Variants in PROX1 observed in about 807,000 individuals in gnomAD.
PROX1 encodes prospero homeobox protein 1.
In PROX1, 7 loss-of-function variants were observed where a neutral mutation model predicts 58.8. That is an observed-to-expected ratio of 0.12 (90% confidence interval 0.07 to 0.22). The LOEUF (loss-of-function observed/expected upper bound fraction) is 0.22. Among genes scored for constraint, PROX1 ranks in the 10% least tolerant of loss-of-function variants. PROX1 has a pLI of 1.00. For missense variants in PROX1, 675 were observed against 927.8 expected (o/e 0.73, Z 3.54); for synonymous variants, 350 against 358.3 (o/e 0.98, Z 0.26).
rs115772074 is a variant in PROX1, at chr1:213,998,188, C to T, written c.1653C>T (p.Ser551=). Residue 551 remains serine, a synonymous_variant, in exon 2 of 5, where the codon TCC becomes TCT. Transcript: ENST00000366958. ...AHPPSTAEGL[S]LSLIKSECGD... is the part of the protein sequence containing the mutation. The stretch of plus-strand genomic sequence containing the variant: ...CGCCCAGCACCGCCGAAGGGCTCTC[C>T]TTGTCGCTCATAAAGTCCGAGTGCG... The T allele has an allele frequency of 6.2e-7, 1 of 1,612,120 alleles. No homozygotes were observed. The highest frequency in any genetic ancestry group is 1.3e-5 in the African/African-American group (1 of 74,928).
rs771679065 is a variant in PROX1, at chr1:213,998,149, T to C, written c.1614T>C (p.Cys538=). 6.2e-7 allele frequency: 1 copy of C among 1,614,242 alleles called. No homozygotes were observed. Among genetic ancestry groups the C allele is most frequent in the East Asian group, 2.2e-5 (1 of 44,882 alleles). ...MSSHHLSHHP[C]SPAHPPSTAE... ...CTCACCACCTGAGCCACCACCCTTGTTCACCAGCACACCCGCCCAGCACCG... is the reference window on the plus strand; with the variant it reads ...CTCACCACCTGAGCCACCACCCTTGCTCACCAGCACACCCGCCCAGCACCG... The change falls in exon 2 of 5, where the codon TGT becomes TGC. Residue 538 remains cysteine, a synonymous_variant. Transcript: ENST00000366958.
At position 213,996,446 on chromosome 1, in the gene PROX1, A is replaced by G. The variant is rs1663264936; in HGVS notation, c.-67-23A>G. ...AGAAATTTAAAGAAAATGATTCATC[A>G]GTCCTTTTGTTCTGTTGGCCAGGGT... On this transcript the variant is annotated intron_variant, in intron 1 of 4. Coordinates refer to ENST00000366958, the MANE Select transcript of PROX1 (RefSeq NM_001270616.2). 7 of 1,422,018 alleles carry G rather than the reference A, an allele frequency of 4.9e-6. No homozygotes were observed. The South Asian group carries it at 1.0e-4, about 21-fold the overall frequency. 88.1% of individuals were successfully genotyped at this position (1,422,018 alleles called of 1,614,324 possible).
chr1:214,011,658 A>G lies in PROX1; in HGVS notation c.1971A>G (p.Arg657=). ...VTSTEELSIT[R]DCELYRALNM... is the part of the protein sequence containing the mutation. ...GTACTGAAGAGCTGTCTATAACCAGAGACTGTGAGCTGTACAGGGCTCTGA... is the reference window on the plus strand; with the variant it reads ...GTACTGAAGAGCTGTCTATAACCAGGGACTGTGAGCTGTACAGGGCTCTGA... The change falls in exon 4 of 5, where the codon AGA becomes AGG. Residue 657 remains arginine (R), a synonymous_variant. Coordinates refer to ENST00000366958, the MANE Select transcript of PROX1 (RefSeq NM_001270616.2). The G allele has an allele frequency of 6.2e-7, 1 of 1,614,082 alleles. No homozygotes were observed. Among genetic ancestry groups the G allele is most frequent in the South Asian group, 1.1e-5 (1 of 91,076 alleles).
chr1:214,028,329 G>T (rs550959029), intron 4 of PROX1, among the ~76,000 whole-genome samples: 2,261 of 152,270 alleles, frequency 0.015, 22 homozygotes, highest in Non-Finnish European at 0.019. Flanking sequence ...GGTGCTCAGT[G>T]TTCAATACAC....
chr1:214,012,292 T>C (rs1663937332), intron 4 of PROX1, among the ~76,000 whole-genome samples: 2 of 152,194 alleles, frequency 1.3e-5, no homozygotes, highest in Admixed American at 6.5e-5. Context: ...TTTGTTCTTT[T>C]TGGAGGAGAG....
chr1:214,011,412 C>T, intron 3 of PROX1, 109 bp from the exon 4 acceptor site: 1 of 1,023,324 alleles, frequency 9.8e-7, no homozygotes, highest in Non-Finnish European at 1.4e-6. Context: ...AAATACGTAT[C>T]TTTCCAAGTA....
chr1:214,002,728 T>C (rs968337892), intron 2 of PROX1, among the ~76,000 whole-genome samples: 1 of 152,230 alleles, frequency 6.6e-6, no homozygotes, highest in Non-Finnish European at 1.5e-5. Context: ...GTAAGTATCC[T>C]GGAAACAGCT....
chr1:214,035,804 G>C lies in PROX1; in HGVS notation c.2184G>C (p.Pro728=). 1 of 1,613,598 alleles carries C rather than the reference G, an allele frequency of 6.2e-7. No homozygotes were observed. Among genetic ancestry groups the C allele is most frequent in the Non-Finnish European group, 8.5e-7 (1 of 1,179,760 alleles). ...DSEVPEIFKS[P]NCLQELLHE ...AAGTCCCTGAGATTTTCAAATCCCC[G>C]AACTGCCTACAAGAGCTGCTTCATG... Residue 728 remains proline (P), a synonymous_variant, in exon 5 of 5, where the codon CCG becomes CCC. Transcript: ENST00000366958.
At chr1:214,000,601 T>C (rs889411748) in intron 2 of PROX1, among the ~76,000 whole-genome samples, 1 of 152,246 alleles carries the variant, frequency 6.6e-6, no homozygotes, top group African/African-American at 2.4e-5. Flanking sequence ...TTCCACCTTT[T>C]GGCCTTCTAT....
chr1:214,015,011 C>A (rs1344708229), intron 4 of PROX1, among the ~76,000 whole-genome samples: 10 of 152,168 alleles, frequency 6.6e-5, no homozygotes, highest in Admixed American at 6.5e-4. Context: ...CTAGACCCTG[C>A]ATTTCCTGGC....
At chr1:214,027,149 C>A (rs1342931374) in intron 4 of PROX1, among the ~76,000 whole-genome samples, 1 of 152,102 alleles carries the variant, frequency 6.6e-6, no homozygotes, top group Non-Finnish European at 1.5e-5. Flanking sequence ...TGACAAAAAC[C>A]TTGGGGCTAT....
Position 214,035,838 on chromosome 1 carries a change from T to A in PROX1, c.*4T>A, listed in dbSNP as rs149049354. On this transcript the variant is annotated 3_prime_UTR_variant, in exon 5 of 5. Transcript: ENST00000366958. The stretch of plus-strand genomic sequence containing the variant: ...ACAAGAGCTGCTTCATGAGTAGAAA[T>A]TTCAACAACTCTTTTTGAATGTATG... The A allele has an allele frequency of 3.1e-5, 50 of 1,604,970 alleles. No individual in the cohort carries two copies. The Middle Eastern group carries it at 6.6e-4, about 21-fold the overall frequency.
chr1:214,017,156 G>C (rs1315181714), intron 4 of PROX1, among the ~76,000 whole-genome samples: 1 of 151,818 alleles, frequency 6.6e-6, no homozygotes. Context: ...AAGTTCAGAG[G>C]AGCCTTTAGA....
chr1:214,020,629 T>A (rs1664248005), intron 4 of PROX1, among the ~76,000 whole-genome samples: 1 of 152,242 alleles, frequency 6.6e-6, no homozygotes, highest in Non-Finnish European at 1.5e-5. Flanking sequence ...GGATACTACA[T>A]AATTGGTATG....
chr1:214,005,797 A>G (rs1663687705), intron 3 of PROX1, among the ~76,000 whole-genome samples: 1 of 152,184 alleles, frequency 6.6e-6, no homozygotes, highest in Admixed American at 6.5e-5. Context: ...GTTGATGTAG[A>G]GTACACTGAG....
chr1:214,033,051 T>G (rs1664712624), intron 4 of PROX1, among the ~76,000 whole-genome samples: 2 of 152,130 alleles, frequency 1.3e-5, no homozygotes, highest in South Asian at 4.2e-4. Context: ...CTCTTCTCTC[T>G]CCTCTGACAG....
chr1:214,024,300 A>G (rs1323253595), intron 4 of PROX1, among the ~76,000 whole-genome samples: 3 of 152,218 alleles, frequency 2.0e-5, no homozygotes, highest in Non-Finnish European at 4.4e-5. Context: ...GGGTGATTGC[A>G]GAGAAAGACA....
At chr1:214,033,474 T>TCA (rs1664730198) in intron 4 of PROX1, among the ~76,000 whole-genome samples, 7 of 152,156 alleles carry the variant, frequency 4.6e-5, no homozygotes, top group Admixed American at 1.3e-4. Context: ...GGCACTTGCC[T>TCA]GTAATCTCAG....
chr1:214,017,965 GT>G (rs1664153153), intron 4 of PROX1, among the ~76,000 whole-genome samples: 1 of 152,226 alleles, frequency 6.6e-6, no homozygotes, highest in African/African-American at 2.4e-5. Flanking sequence ...AAGAGAGCAA[GT>G]TCTCTTCTGA....
Sources: allele counts gnomAD v4.1 joint callset (sites outside exome capture counted in the v4.1 genomes callset), GRCh38; gene constraint gnomAD v4.1.1; transcripts MANE v1.5; gene names NCBI Gene and HGNC (gene_info 2026-07-23, HGNC 2026-07-21).